The following CEP350 variants were observed in gnomAD, a reference collection of about 807,000 sequenced individuals.
CEP350 encodes the protein centrosome-associated protein 350.
In CEP350, 126 loss-of-function variants were observed where a neutral mutation model predicts 331.8. The ratio of observed to expected loss-of-function variants is 0.38; its 90% CI spans 0.33 to 0.44. The LOEUF (loss-of-function observed/expected upper bound fraction) is 0.44, where lower values mean the gene tolerates loss of function less well. Ranked by LOEUF, CEP350 falls within the 20% of genes least tolerant of loss-of-function variation. CEP350 has a pLI of 1.00. For synonymous variants in CEP350, 1,200 were observed against 1,259.5 expected (o/e 0.95, Z 1.00); for missense variants, 3,406 against 3,634.6 (o/e 0.94, Z 1.62).
Position 179,996,951 on chromosome 1 carries a change from C to G in CEP350, c.794C>G (p.Ser265Cys), listed in dbSNP as rs1015094200. The G allele has an allele frequency of 1.9e-6, 3 of 1,613,876 alleles. No individual in the cohort carries two copies. The highest frequency in any genetic ancestry group is 2.7e-5 in the African/African-American group (2 of 74,920). The change falls in exon 6 of 38, where the codon TCT becomes TGT. Residue 265 changes from serine (S) to cysteine (C), a missense_variant. Ser to Cys is a moderately radical substitution (Grantham distance 112). Coordinates refer to ENST00000367607, the MANE Select transcript of CEP350 (RefSeq NM_014810.5). ...TCTTCTCCATCCTCTACTAGTACTT[C>G]TAATTCCCAAAGATTAGATATTCTA... ...TDSSPSSTST[S>C]NSQRLDILKR...
intron 11 of CEP350, among the ~76,000 whole-genome samples, chr1:180,019,543 TTTATG>T (rs1275821980): frequency 1.3e-5 from 2 of 152,178 alleles, no homozygotes; most frequent in Non-Finnish European, 2.9e-5. Context: ...GCATTTCTCT[TTTATG>T]TAATGTTATT....
chr1:180,056,689 T>G (rs1657869591), intron 25 of CEP350, among the ~76,000 whole-genome samples: 1 of 151,966 alleles, frequency 6.6e-6, no homozygotes, highest in Non-Finnish European at 1.5e-5. Flanking sequence ...CTTGAACTCC[T>G]GGACTCAAGT....
chr1:180,034,152 CTTTG>C (rs755855473), intron 16 of CEP350, 70 bp downstream of exon 16: 322 of 1,483,716 alleles, frequency 2.2e-4, no homozygotes, highest in South Asian at 2.9e-4. Context: ...CATTCCTTTT[CTTTG>C]TTTGAGTTGA....
At chr1:180,001,960 T>C (rs915446327) in intron 6 of CEP350, among the ~76,000 whole-genome samples, 2 of 152,270 alleles carry the variant, frequency 1.3e-5, no homozygotes, top group African/African-American at 4.8e-5. Context: ...CAGTATGTGT[T>C]AACATACTAT....
At chr1:180,067,620 G>C (rs912498800) in intron 27 of CEP350, among the ~76,000 whole-genome samples, 12 of 152,182 alleles carry the variant, frequency 7.9e-5, no homozygotes, top group South Asian at 4.1e-4. Flanking sequence ...ACCTGGGAGG[G>C]GGAGGTTGCA....
chr1:180,085,462 T>C (rs1298121462), intron 31 of CEP350: 1 of 152,262 alleles, frequency 6.6e-6, no homozygotes, highest in Non-Finnish European at 1.5e-5. Flanking sequence ...GTCTCTTAGA[T>C]GTTCTGCCTC....
At chr1:180,073,157 G>A (rs184660777) in intron 27 of CEP350, among the ~76,000 whole-genome samples, 89 of 152,016 alleles carry the variant, frequency 5.9e-4, no homozygotes, top group African/African-American at 1.9e-3. Context: ...CTTATAGAAT[G>A]GATAGTGTAT....
intron 9 of CEP350, 148 bp downstream of exon 9, chr1:180,012,223 G>T (rs978769445): frequency 3.0e-6 from 2 of 670,946 alleles, no homozygotes; most frequent in African/African-American, 3.7e-5. Flanking sequence ...GTTCTATTGG[G>T]CTTGGTTATG....
chr1:180,014,882 A>G (rs1654873859), intron 10 of CEP350, among the ~76,000 whole-genome samples: 1 of 152,210 alleles, frequency 6.6e-6, no homozygotes, highest in Non-Finnish European at 1.5e-5. Flanking sequence ...AAACTGAACT[A>G]CTAATAGCCA....
rs76519935 is a variant in CEP350, at chr1:180,088,746, A to T, written c.6425+1029A>T. Among the ~76,000 whole-genome samples, 737 of 152,278 alleles carry T rather than the reference A, an allele frequency of 4.8e-3. 4 individuals are homozygous for T. The highest frequency in any genetic ancestry group is 0.017 in the African/African-American group (717 of 41,558). ...CCGCTCTGTGCTTCAGTTTTTTAATAGGGATTTATAAAGGTAAGAATAATA... is the reference window on the plus strand; with the variant it reads ...CCGCTCTGTGCTTCAGTTTTTTAATTGGGATTTATAAAGGTAAGAATAATA... On this transcript the variant is annotated intron_variant, in intron 32 of 37. Coordinates refer to ENST00000367607, the MANE Select transcript of CEP350 (RefSeq NM_014810.5).
intron 29 of CEP350, 31 bp from the exon 30 acceptor site, chr1:180,080,486 A>G (rs1205136672): frequency 6.3e-7 from 1 of 1,595,636 alleles, no homozygotes; most frequent in Admixed American, 1.7e-5. Context: ...ATATCAAAAA[A>G]TAGTTTCCAT....
chr1:180,095,458 T>A, intron 34 of CEP350, 65 bp from the exon 35 acceptor site: 1 of 1,523,106 alleles, frequency 6.6e-7, no homozygotes. Context: ...ACTCTGTCTT[T>A]TTTTAAAAAA....
Position 180,012,067 on chromosome 1 carries a change from C to T in CEP350, c.1385C>T (p.Ala462Val), listed in dbSNP as rs1278339548. The change falls in exon 9 of 38, where the codon GCT becomes GTT. Residue 462 changes from alanine (A) to valine (V), a missense_variant. Transcript: ENST00000367607. ...GACAGAGGTGGAAGAGAAAGAACTGCTAAATCTGGTAAGTAGCTATAATTA... is the reference window on the plus strand; with the variant it reads ...GACAGAGGTGGAAGAGAAAGAACTGTTAAATCTGGTAAGTAGCTATAATTA... Reference protein sequence around the residue: ...SSDRGGRERTAKSGGHIGRAE... With the variant: ...SSDRGGRERTVKSGGHIGRAE... 3 of 1,553,586 alleles carry T rather than the reference C, an allele frequency of 1.9e-6. No individual in the cohort carries two copies. Among genetic ancestry groups the T allele is most frequent in the Non-Finnish European group, 2.6e-6 (3 of 1,150,290 alleles).
At chr1:180,048,325 G>A (rs1657264917) in intron 21 of CEP350, among the ~76,000 whole-genome samples, 2 of 152,106 alleles carry the variant, frequency 1.3e-5, no homozygotes, top group Admixed American at 6.5e-5. Flanking sequence ...TTATTTAAAA[G>A]TGAAACCTTC....
At chr1:179,973,803 A>G (rs574448196) in intron 1 of CEP350, among the ~76,000 whole-genome samples, 2 of 151,696 alleles carry the variant, frequency 1.3e-5, no homozygotes, top group South Asian at 2.1e-4. Flanking sequence ...CTTATTTTTC[A>G]TTTCTTTTCA....
In CEP350 at chr1:179,991,932, TA is replaced by T. The variant is rs1027893197; in HGVS notation, c.236-129del. 6 of 803,954 alleles carry T rather than the reference TA, an allele frequency of 7.5e-6. No homozygotes were observed. In the African/African-American group the frequency reaches 1.1e-4, roughly 15 times the overall value. The allele number at this position is 803,954 out of a possible 1,614,324, so 49.8% of individuals were successfully genotyped here. Reference sequence around the variant, plus strand: ...TTATATAATATCCAACTAGAGATACTAGAGATAACTTATATAATATCCAACT... The same window carrying T: ...TTATATAATATCCAACTAGAGATACTGAGATAACTTATATAATATCCAACT... On this transcript the variant is annotated intron_variant, in intron 4 of 37. Transcript: ENST00000367607.
chr1:180,095,384 C>G, intron 34 of CEP350, 139 bp from the exon 35 acceptor site: 4 of 952,888 alleles, frequency 4.2e-6, no homozygotes, highest in Non-Finnish European at 5.9e-6. Flanking sequence ...TTATTAGTAG[C>G]CACCATATTG....
chr1:180,067,863 ATGT>A (rs2149032493), intron 27 of CEP350, among the ~76,000 whole-genome samples: 1 of 152,308 alleles, frequency 6.6e-6, no homozygotes, highest in African/African-American at 2.4e-5. Flanking sequence ...TCCTTCAATG[ATGT>A]TGGAGTGTCA....
In CEP350 at chr1:180,090,765, A is replaced by C; in HGVS notation, c.6477A>C (p.Arg2159Ser). The C allele has an allele frequency of 6.4e-7, 1 of 1,551,710 alleles. No homozygotes were observed. Among genetic ancestry groups the C allele is most frequent in the East Asian group, 2.4e-5 (1 of 41,444 alleles). ...WKSLTESERS[R>S]GSLESIAEHV... ...CACTAACAGAGTCAGAACGTTCCAGAGGATCCCTGGAGTCTATTGCTGAAC... is the reference window on the plus strand; with the variant it reads ...CACTAACAGAGTCAGAACGTTCCAGCGGATCCCTGGAGTCTATTGCTGAAC... The change falls in exon 33 of 38, where the codon AGA (arginine) becomes AGC (serine). Residue 2159 changes from arginine to serine, a missense_variant. Coordinates refer to ENST00000367607, the MANE Select transcript of CEP350 (RefSeq NM_014810.5).
Sources: allele counts gnomAD v4.1 joint callset (sites outside exome capture counted in the v4.1 genomes callset), GRCh38; gene constraint gnomAD v4.1.1; transcripts MANE v1.5; gene names NCBI Gene and HGNC (gene_info 2026-07-23, HGNC 2026-07-21).